LZTS3: variants seen among roughly 807,000 people sequenced by gnomAD.
LZTS3 encodes leucine zipper putative tumor suppressor 3.
LZTS3 carries 16 observed loss-of-function variants against 50.9 expected under a neutral mutation model. The observed-to-expected ratio is 0.31, with a 90% confidence interval of 0.21 to 0.48. LZTS3 has a LOEUF of 0.48. LZTS3 is among the 20% of genes least tolerant of loss of function. The pLI is 0.99. For synonymous variants in LZTS3, 408 were observed against 410.6 expected (o/e 0.99, Z 0.08); for missense variants, 816 against 931.0 (o/e 0.88, Z 1.61).
intron 1 of LZTS3, among the ~76,000 whole-genome samples, chr20:3,170,774 C>G (rs2066894386): frequency 6.6e-6 from 1 of 152,084 alleles, no homozygotes; most frequent in Non-Finnish European, 1.5e-5. Flanking sequence ...GCATAGGTGA[C>G]AGAGCAAGAC....
chr20:3,164,453 A>C lies in LZTS3; in HGVS notation c.*1T>G, dbSNP rs1419602547. Reference sequence around the variant, plus strand: ...GTCAAAATGCCGAGTGCCCAGGTCGATCAGATTTCTGTGGACTCAATGCGC... The same window carrying C: ...GTCAAAATGCCGAGTGCCCAGGTCGCTCAGATTTCTGTGGACTCAATGCGC... On this transcript the variant is annotated 3_prime_UTR_variant, in exon 5 of 5. Transcript: ENST00000337576. 6.6e-7 allele frequency: 1 copy of C among 1,519,910 alleles called. No homozygotes were observed. The highest frequency in any genetic ancestry group is 8.8e-7 in the Non-Finnish European group (1 of 1,132,442). 94.2% of individuals were successfully genotyped at this position (1,519,910 alleles called of 1,614,324 possible). A position where few individuals can be genotyped will look rare whatever the true frequency, so the allele number is the denominator to read the frequency against.
chr20:3,168,921 G>A (rs539392262), intron 1 of LZTS3, among the ~76,000 whole-genome samples: 7 of 152,288 alleles, frequency 4.6e-5, no homozygotes, highest in Non-Finnish European at 8.8e-5. Flanking sequence ...CAAAACTGTT[G>A]TCCTTCGGGA....
intron 2 of LZTS3, chr20:3,167,506 G>C: frequency 3.7e-6 from 4 of 1,083,996 alleles, no homozygotes; most frequent in Non-Finnish European, 4.5e-6. Context: ...TCCGCCATGA[G>C]CTTCCCAGGC....
At position 3,167,181 on chromosome 20, in the gene LZTS3, A is replaced by G. The variant is rs1600448635; in HGVS notation, c.-18T>C. 1.4e-6 allele frequency: 2 copies of G among 1,454,348 alleles called. No homozygotes were observed. Among genetic ancestry groups the G allele is most frequent in the Non-Finnish European group, 1.8e-6 (2 of 1,108,528 alleles). 90.1% of individuals were successfully genotyped at this position (1,454,348 alleles called of 1,614,324 possible). On this transcript the variant is annotated splice_region_variant and 5_prime_UTR_variant, in exon 3 of 5. Transcript: ENST00000337576. The stretch of plus-strand genomic sequence containing the variant: ...TTCGCCATGACTAAGCCAGGGGGGC[A>G]CTGTGGGCACAGGTGGGAAGGCAGA...
In LZTS3 at chr20:3,164,738, GCCGCCCCACCTC is replaced by G. The variant is rs1258072370; in HGVS notation, c.1726_1737del (p.Glu576_Arg579del). The stretch of plus-strand genomic sequence containing the variant: ...CGCTCAGCCGCCAGCTCGGCCTGCA[GCCGCCCCACCTC>G]CCGCCGCAGGGCCCGCGTCCCGCTC... On this transcript the variant is annotated inframe_deletion, in exon 5 of 5. Coordinates refer to ENST00000337576, the MANE Select transcript of LZTS3 (RefSeq NM_001365618.1). 10 of 1,537,704 alleles carry G rather than the reference GCCGCCCCACCTC, an allele frequency of 6.5e-6. No individual in the cohort carries two copies. Among genetic ancestry groups the G allele is most frequent in the Middle Eastern group, 1.7e-4 (1 of 5,744 alleles).
In LZTS3 at chr20:3,165,140, C is replaced by G. The variant is rs1415953503; in HGVS notation, c.1336G>C (p.Ala446Pro). ...EETKWEVCQK[A>P]GEISLLKQQL... ...TGCTTCAGGAGGGAGATCTCGCCAG[C>G]CTTCTGGCACACCTGGGCAGGAACA... The change falls in exon 5 of 5, where the codon GCT becomes CCT. Residue 446 changes from alanine to proline, a missense_variant. Transcript: ENST00000337576. This position sits in a 1 kb window ranked among gnomAD's most constrained non-coding sequence, Gnocchi z 5.0. 1 of 1,569,728 alleles carries G rather than the reference C, an allele frequency of 6.4e-7. No individual in the cohort carries two copies. The highest frequency in any genetic ancestry group is 1.8e-5 in the Admixed American group (1 of 55,470).
intron 1 of LZTS3, 27 bp from the exon 2 acceptor site, chr20:3,167,988 T>A: frequency 2.0e-6 from 1 of 502,752 alleles, no homozygotes; most frequent in Non-Finnish European, 2.6e-6. Context: ...ATGAAGGACC[T>A]ACCTTGCGGG....
chr20:3,170,042 C>T (rs545814642), intron 1 of LZTS3, among the ~76,000 whole-genome samples: 17 of 152,174 alleles, frequency 1.1e-4, no homozygotes, highest in Non-Finnish European at 2.2e-4. Context: ...AAGGTGGGCC[C>T]TGAAGGCCAA....
chr20:3,171,640 G>A (rs1358721138), intron 1 of LZTS3, among the ~76,000 whole-genome samples: 4 of 148,412 alleles, frequency 2.7e-5, no homozygotes, highest in South Asian at 4.3e-4. Context: ...AGCAGCCTGG[G>A]CAACGGAGTG....
Position 3,166,939 on chromosome 20 carries a change from G to A in LZTS3, c.225C>T (p.Gly75=), listed in dbSNP as rs374253880. Residue 75 remains glycine, a synonymous_variant, in exon 3 of 5, where the codon GGC becomes GGT. Transcript: ENST00000337576. ...QGSFPGPRGS[G]SGASRERPGR... is the part of the protein sequence containing the mutation. ...CCGGCCTCTCCCTGCTGGCCCCACT[G>A]CCACTGCCTCGGGGGCCAGGGAAAC... is the stretch of plus-strand genomic sequence containing the variant. 3.1e-6 allele frequency: 5 copies of A among 1,608,784 alleles called. No individual in the cohort carries two copies. Among genetic ancestry groups the A allele is most frequent in the African/African-American group, 1.3e-5 (1 of 74,896 alleles).
Position 3,166,273 on chromosome 20 carries a change from T to A in LZTS3, c.547A>T (p.Thr183Ser), listed in dbSNP as rs1449895892. The A allele has an allele frequency of 6.2e-7, 1 of 1,613,966 alleles. No homozygotes were observed. Among genetic ancestry groups the A allele is most frequent in the Non-Finnish European group, 8.5e-7 (1 of 1,179,946 alleles). The change falls in exon 4 of 5, where the codon ACC becomes TCC. Residue 183 changes from threonine (T) to serine (S), a missense_variant. This residue lies in a region of LZTS3 where 700 missense variants were observed against 769.4 expected (regional missense o/e 0.91). Coordinates refer to ENST00000337576, the MANE Select transcript of LZTS3 (RefSeq NM_001365618.1). Reference sequence around the variant, plus strand: ...TGCCGTCCCTCAGGAGTCCCATTGGTCTGCGGGGGGCACAAATTCTGCATG... The same window carrying A: ...TGCCGTCCCTCAGGAGTCCCATTGGACTGCGGGGGGCACAAATTCTGCATG... ...HSMQNLCPPQ[T>S]NGTPEGRQGP... is the part of the protein sequence containing the mutation.
In LZTS3 at chr20:3,165,767, C is replaced by T; in HGVS notation, c.1053G>A (p.Gln351=). The T allele has an allele frequency of 6.3e-7, 1 of 1,581,106 alleles. No individual in the cohort carries two copies. The highest frequency in any genetic ancestry group is 1.3e-5 in the African/African-American group (1 of 74,554). Residue 351 remains glutamine (Q), a synonymous_variant, in exon 4 of 5, where the codon CAG becomes CAA. Coordinates refer to ENST00000337576, the MANE Select transcript of LZTS3 (RefSeq NM_001365618.1). The surrounding 1 kb of genome is among the most constrained non-coding windows in gnomAD (Gnocchi z 5.0). ...SLEQSEAAVA[Q]VLEERQKAWE... ...ACGCCTTCTGCCGCTCCTCCAGTACCTGGGCCACAGCCGCCTCGCTCTGCT... is the reference window on the plus strand; with the variant it reads ...ACGCCTTCTGCCGCTCCTCCAGTACTTGGGCCACAGCCGCCTCGCTCTGCT...
In LZTS3 at chr20:3,167,146, C is replaced by A. The variant is rs774445702; in HGVS notation, c.18G>T (p.Thr6=). The A allele has an allele frequency of 6.7e-7, 1 of 1,484,734 alleles. No homozygotes were observed. The highest frequency in any genetic ancestry group is 1.4e-5 in the South Asian group (1 of 72,594). 92.0% of individuals were successfully genotyped at this position (1,484,734 alleles called of 1,614,324 possible). The change falls in exon 3 of 5, where the codon ACG becomes ACT. Residue 6 remains threonine (T), a synonymous_variant. Coordinates refer to ENST00000337576, the MANE Select transcript of LZTS3 (RefSeq NM_001365618.1). Reference sequence around the variant, plus strand: ...GCCCTGGGTCAGCGCGCACAGGCAGCGTCTCCAGCTTCGCCATGACTAAGC... The same window carrying A: ...GCCCTGGGTCAGCGCGCACAGGCAGAGTCTCCAGCTTCGCCATGACTAAGC... MAKLE[T]LPVRADPGRD...
At position 3,167,168 on chromosome 20, in the gene LZTS3, A is replaced by G. The variant is rs1217641263; in HGVS notation, c.-5T>C. On this transcript the variant is annotated 5_prime_UTR_variant, in exon 3 of 5. Coordinates refer to ENST00000337576, the MANE Select transcript of LZTS3 (RefSeq NM_001365618.1). ...CAGCGTCTCCAGCTTCGCCATGACT[A>G]AGCCAGGGGGGCACTGTGGGCACAG... The G allele has an allele frequency of 6.8e-7, 1 of 1,467,084 alleles. No homozygotes were observed. Among genetic ancestry groups the G allele is most frequent in the Non-Finnish European group, 9.0e-7 (1 of 1,114,632 alleles). The allele number at this position is 1,467,084 out of a possible 1,614,324, so 90.9% of individuals were successfully genotyped here.
rs908286914 is a variant in LZTS3, at chr20:3,164,685, G to A, written c.1791C>T (p.Ser597=). The A allele has an allele frequency of 6.2e-7, 1 of 1,605,540 alleles. No homozygotes were observed. The highest frequency in any genetic ancestry group is 8.5e-7 in the Non-Finnish European group (1 of 1,176,626). ...GCCACACGCGGCGCTCCTCGGCGAA[G>A]CTGGCACCCTGGCGCTCCCGGGCCC... ...ERRARERQGA[S]FAEERRVWLE... The change falls in exon 5 of 5, where the codon AGC becomes AGT. Residue 597 remains serine (S), a synonymous_variant. Coordinates refer to ENST00000337576, the MANE Select transcript of LZTS3 (RefSeq NM_001365618.1).
rs1444741483 is a variant in LZTS3, at chr20:3,166,772, G to T, written c.392C>A (p.Ala131Asp). The T allele has an allele frequency of 6.2e-7, 1 of 1,613,866 alleles. No individual in the cohort carries two copies. The highest frequency in any genetic ancestry group is 2.2e-5 in the East Asian group (1 of 44,882). The change falls in exon 3 of 5, where the codon GCC becomes GAC. Residue 131 changes from alanine (A) to aspartate (D), a missense_variant. Physicochemically the swap from Ala to Asp is moderately radical, Grantham distance 126 (BLOSUM62 -2). This residue lies in a region of LZTS3 where 700 missense variants were observed against 769.4 expected (regional missense o/e 0.91). Coordinates refer to ENST00000337576, the MANE Select transcript of LZTS3 (RefSeq NM_001365618.1). ...GSSSSGGSDK[A>D]PPQYREPSHP... Reference sequence around the variant, plus strand: ...GCTGGGCTCACGATACTGCGGTGGGGCTTTGTCACTGCCACCACTGCTGCT... The same window carrying T: ...GCTGGGCTCACGATACTGCGGTGGGTCTTTGTCACTGCCACCACTGCTGCT...
chr20:3,173,011 C>G (rs953145190), intron 1 of LZTS3, among the ~76,000 whole-genome samples: 1 of 152,032 alleles, frequency 6.6e-6, no homozygotes, highest in Non-Finnish European at 1.5e-5. Flanking sequence ...CCCCTCCACC[C>G]CGAGCACACA....
In LZTS3 at chr20:3,162,725, C is replaced by A. The variant is rs1186874228; in HGVS notation, c.*1729G>T. 1.3e-5 allele frequency: 2 copies of A among 152,098 alleles called. No homozygotes were observed. Among genetic ancestry groups the A allele is most frequent in the Non-Finnish European group, 2.9e-5 (2 of 68,014 alleles). The allele number at this position is 152,098 out of a possible 1,614,324, so 9.4% of individuals were successfully genotyped here. A position where few individuals can be genotyped will look rare whatever the true frequency, so the allele number is the denominator to read the frequency against. ...ATTTATATATATTTATATATAATTT[C>A]TTTTGTGGTTGGACGTCCCAAAGCT... is the stretch of plus-strand genomic sequence containing the variant. On this transcript the variant is annotated 3_prime_UTR_variant, in exon 5 of 5. Transcript: ENST00000337576. This position sits in a 1 kb window ranked among gnomAD's most constrained non-coding sequence, Gnocchi z 5.0.
chr20:3,168,820 C>T (rs1454262734), intron 1 of LZTS3, among the ~76,000 whole-genome samples: 1 of 152,180 alleles, frequency 6.6e-6, no homozygotes, highest in Admixed American at 6.5e-5. Context: ...AGTTAAGGGG[C>T]CCACGTGGCA....
Sources: gnomAD v4.1 joint callset for allele counts (sites outside exome capture counted in the v4.1 genomes callset) on GRCh38, gnomAD v4.1.1 for gene constraint, gnomAD v4.1.1 regional missense constraint, Gnocchi (gnomAD v3.1) non-coding constraint, MANE v1.5 for transcripts, NCBI Gene and HGNC (gene_info 2026-07-23, HGNC 2026-07-21) for gene names.